ATG7: variants seen among roughly 807,000 people sequenced by gnomAD.
ATG7 encodes the protein autophagy related 7, also known as ubiquitin-like modifier-activating enzyme ATG7.
A neutral mutation model predicts 82.4 loss-of-function variants in ATG7; 70 were observed. That is an observed-to-expected ratio of 0.85 (90% CI 0.70 to 1.04). ATG7 has a LOEUF of 1.04. Ranked by LOEUF, ATG7 falls within the 50% of genes least tolerant of loss-of-function variation. The pLI is 0.00. For synonymous variants in ATG7, 287 were observed against 313.0 expected, an observed-to-expected ratio of 0.92 and a Z score of 0.88; for missense variants, 792 against 864.3, an observed-to-expected ratio of 0.92 and a Z score of 1.05.
chr3:11,326,553 C>T (rs1477412994), intron 9 of ATG7, among the ~76,000 whole-genome samples: 1 of 152,214 alleles, frequency 6.6e-6, no homozygotes, highest in East Asian at 1.9e-4. Flanking sequence ...CCGCCTCTGC[C>T]TTCCAGAGTG....
chr3:11,446,202 A>G (rs896259042), intron 20 of ATG7, among the ~76,000 whole-genome samples: 1 of 150,954 alleles, frequency 6.6e-6, no homozygotes, highest in African/African-American at 2.4e-5. Context: ...ATTATCTAGG[A>G]TGCTTTAAAA....
chr3:11,561,891 CTTT>C (rs35380668), downstream of ATG7, among the ~76,000 whole-genome samples: 3 of 88,604 alleles, frequency 3.4e-5, no homozygotes, highest in Middle Eastern at 0.021. Context: ...CTGCGCCAAA[CTTT>C]TTTTTTTTTT....
intron 18 of ATG7, 133 bp downstream of exon 18, chr3:11,364,867 G>A: frequency 1.1e-6 from 1 of 879,474 alleles, no homozygotes; most frequent in Non-Finnish European, 1.7e-6. Context: ...TTCAATGGGA[G>A]AGCTTTCTGA....
chr3:11,538,712 C>CA (rs34720305), intron 20 of ATG7, among the ~76,000 whole-genome samples: 16,772 of 83,864 alleles, frequency 0.2, 2,130 homozygotes, highest in South Asian at 0.38. Context: ...AAAAATTAGC[C>CA]AAAAAAAAAA....
At chr3:11,369,659 C>CT (rs1183788908) in intron 18 of ATG7, among the ~76,000 whole-genome samples, 1 of 151,162 alleles carries the variant, frequency 6.6e-6, no homozygotes, top group East Asian at 1.9e-4. Context: ...TCTGGGCTTC[C>CT]TCTGTGAGGT....
intron 20 of ATG7, among the ~76,000 whole-genome samples, chr3:11,442,968 G>T (rs1336382171): frequency 6.6e-6 from 1 of 151,914 alleles, no homozygotes; most frequent in South Asian, 2.1e-4. Flanking sequence ...TTTTAGTCAG[G>T]GTGTAAGAAT....
intron 20 of ATG7, among the ~76,000 whole-genome samples, chr3:11,551,910 G>C (rs893397289): frequency 2.0e-5 from 3 of 151,404 alleles, no homozygotes; most frequent in Admixed American, 6.6e-5. Flanking sequence ...CACCACGCCT[G>C]GCTAATTTTT....
intron 20 of ATG7, among the ~76,000 whole-genome samples, chr3:11,439,411 G>A (rs952580740): frequency 1.3e-5 from 2 of 152,176 alleles, no homozygotes; most frequent in African/African-American, 4.8e-5. Flanking sequence ...AGCTGTAGGG[G>A]AGCAGGGAGG....
chr3:11,507,723 G>C (rs1371596343), intron 20 of ATG7, among the ~76,000 whole-genome samples: 1 of 152,118 alleles, frequency 6.6e-6, no homozygotes. Context: ...GAGGACCCCA[G>C]GGTTAAGAAG....
At chr3:11,518,629 A>G (rs2092351093) in intron 20 of ATG7, among the ~76,000 whole-genome samples, 2 of 152,082 alleles carry the variant, frequency 1.3e-5, no homozygotes, top group African/African-American at 2.4e-5. Flanking sequence ...TTGCTACATC[A>G]GACTTTGACC....
intron 18 of ATG7, among the ~76,000 whole-genome samples, chr3:11,370,089 A>C (rs2076890726): frequency 6.6e-6 from 1 of 151,232 alleles, no homozygotes; most frequent in Non-Finnish European, 1.5e-5. Flanking sequence ...ATTAAGTCAC[A>C]CGTACTAAGC....
intron 9 of ATG7, among the ~76,000 whole-genome samples, chr3:11,323,743 G>A (rs531339993): frequency 6.6e-6 from 1 of 152,354 alleles, no homozygotes; most frequent in African/African-American, 2.4e-5. Flanking sequence ...TTTATATGCT[G>A]TTAGTTGGGC....
At chr3:11,380,127 G>A in intron 19 of ATG7, 75 bp downstream of exon 19, 1 of 1,445,142 alleles carries the variant, frequency 6.9e-7, no homozygotes, top group Admixed American at 1.7e-5. Flanking sequence ...CTCACCAGCT[G>A]GAGCCCTTGA....
chr3:11,352,301 G>A (rs916479591), intron 14 of ATG7, among the ~76,000 whole-genome samples: 48 of 152,158 alleles, frequency 3.2e-4, no homozygotes, highest in Admixed American at 7.9e-4. Context: ...GAATAGTGCC[G>A]CAATAAACAT....
At chr3:11,530,938 G>C (rs1325980818) in intron 20 of ATG7, among the ~76,000 whole-genome samples, 1 of 152,150 alleles carries the variant, frequency 6.6e-6, no homozygotes, top group Admixed American at 6.5e-5. Context: ...CCAAGGTCAC[G>C]CCACTGCACT....
chr3:11,360,398 T>C (rs1015504782), intron 15 of ATG7, among the ~76,000 whole-genome samples, 183 bp from the exon 16 acceptor site: 1 of 152,226 alleles, frequency 6.6e-6, no homozygotes, highest in African/African-American at 2.4e-5. Flanking sequence ...TCATCACTTA[T>C]CAAGTCTTTT....
chr3:11,393,093 T>C lies in ATG7; in HGVS notation c.1956+13041T>C, dbSNP rs556441371. Among the ~76,000 whole-genome samples the C allele has an allele frequency of 1.1e-4, 17 of 152,300 alleles. No homozygotes were observed. In the South Asian group the frequency reaches 3.5e-3, roughly 32 times the overall value. On this transcript the variant is annotated intron_variant, in intron 19 of 20. Transcript: ENST00000693202. ...TTGGCGCAGGTGATGGAATCCTCTG[T>C]TAAGTGTCCAGACCCAGGACCAGAG...
intron 20 of ATG7, among the ~76,000 whole-genome samples, chr3:11,480,373 C>A (rs897951940): frequency 6.6e-6 from 1 of 152,040 alleles, no homozygotes; most frequent in East Asian, 1.9e-4. Context: ...CCTGTCTCTA[C>A]AAAAACATTT....
chr3:11,538,627 A>G (rs1168273602), intron 20 of ATG7, among the ~76,000 whole-genome samples: 1 of 140,042 alleles, frequency 7.1e-6, no homozygotes, highest in Non-Finnish European at 1.5e-5. Flanking sequence ...CAGGTTGCTG[A>G]AGCCCAGGAG....
Sources: gnomAD v4.1 joint callset for allele counts (sites outside exome capture counted in the v4.1 genomes callset) on GRCh38, gnomAD v4.1.1 for gene constraint, MANE v1.5 for transcripts, NCBI Gene and HGNC (gene_info 2026-07-23, HGNC 2026-07-21) for gene names.